CCDC171: variants seen among roughly 807,000 people sequenced by gnomAD.
CCDC171 encodes the protein coiled-coil domain containing 171, also known as coiled-coil domain-containing protein 171.
CCDC171 carries 177 observed loss-of-function variants against 168.2 expected under a neutral mutation model. That is an observed-to-expected ratio of 1.05 (90% CI 0.93 to 1.19). The LOEUF (loss-of-function observed/expected upper bound fraction) is 1.19. CCDC171 is among the 50% of genes most tolerant of loss of function. The pLI is 0.00. For missense variants in CCDC171, 1,991 were observed against 1,539.0 expected, an observed-to-expected ratio of 1.29 and a Z score of -4.91; for synonymous variants, 687 against 540.8, an observed-to-expected ratio of 1.27 and a Z score of -3.75.
intron 18 of CCDC171, among the ~76,000 whole-genome samples, chr9:15,757,609 G>T (rs1159503900): frequency 1.3e-5 from 2 of 152,214 alleles, no homozygotes; most frequent in Non-Finnish European, 2.9e-5. Flanking sequence ...GTAACAATTA[G>T]CTGAATCTCC....
intron 21 of CCDC171, among the ~76,000 whole-genome samples, chr9:15,842,860 A>G (rs1348568615): frequency 6.6e-6 from 1 of 151,906 alleles, no homozygotes; most frequent in Non-Finnish European, 1.5e-5. Context: ...ATGACTTAAA[A>G]TAATTTTTGC....
rs1310330705 is a variant in CCDC171, at chr9:15,623,473, G to GCACACACACACACACACACA, written c.822+61_822+62insACACACACACACACACACAC. 25 of 464,730 alleles carry GCACACACACACACACACACA rather than the reference G, an allele frequency of 5.4e-5. No homozygotes were observed. In the African/African-American group the frequency reaches 6.5e-4, roughly 12 times the overall value. 28.8% of individuals were successfully genotyped at this position (464,730 alleles called of 1,614,324 possible). On this transcript the variant is annotated intron_variant, in intron 7 of 25. Transcript: ENST00000380701. ...TACAAACTTTCACATATGCGCGCGC[G>GCACACACACACACACACACA]CGCACACACACACACACACACACAC...
intron 7 of CCDC171, among the ~76,000 whole-genome samples, chr9:15,627,498 A>G (rs1178653881): frequency 6.6e-6 from 1 of 152,186 alleles, no homozygotes; most frequent in African/African-American, 2.4e-5. Context: ...AATGTGTCCC[A>G]GAGAGTCTGG....
At chr9:15,982,732 T>G (rs990127118) in intron 3 of CCDC171, among the ~76,000 whole-genome samples, 2 of 152,118 alleles carry the variant, frequency 1.3e-5, no homozygotes, top group African/African-American at 4.8e-5. Context: ...CCAGGCATGG[T>G]CACTTTAGGT....
At chr9:15,779,284 C>A in intron 20 of CCDC171, 134 bp downstream of exon 20, 1 of 492,776 alleles carries the variant, frequency 2.0e-6, no homozygotes, top group Non-Finnish European at 3.3e-6. Flanking sequence ...ATCTCTTTTT[C>A]TTCAGAAAAC....
intron 7 of CCDC171, among the ~76,000 whole-genome samples, chr9:15,633,709 A>C (rs1471302962): frequency 6.6e-6 from 1 of 152,202 alleles, no homozygotes; most frequent in Non-Finnish European, 1.5e-5. Flanking sequence ...ATTCTACTAT[A>C]CAGACACATG....
chr9:15,681,352 G>T (rs1343066670), intron 10 of CCDC171, among the ~76,000 whole-genome samples: 1 of 152,068 alleles, frequency 6.6e-6, no homozygotes, highest in East Asian at 1.9e-4. Context: ...AGTTGATGTG[G>T]CTCAGACTGT....
rs1039800636 is a variant in CCDC171, at chr9:16,013,908, G to A, written n.369-6681G>A. On this transcript the variant is annotated intron_variant and non_coding_transcript_variant, in intron 3 of 9. Transcript: ENST00000486641. ...CCTTCAGCTTGTAATCTTTTCACTGGTGGAAGATCTTGTCTTGATGTTGAT... is the reference window on the plus strand; with the variant it reads ...CCTTCAGCTTGTAATCTTTTCACTGATGGAAGATCTTGTCTTGATGTTGAT... 2.7e-4 allele frequency among the ~76,000 whole-genome samples: 41 copies of A among 152,210 alleles called. 1 individual carries two copies. The highest frequency in any genetic ancestry group is 8.9e-4 in the African/African-American group (37 of 41,540).
At chr9:15,979,891 GTGAA>G (rs756283199) in intron 3 of CCDC171, among the ~76,000 whole-genome samples, 12 of 151,314 alleles carry the variant, frequency 7.9e-5, no homozygotes. Flanking sequence ...GAATTTATTA[GTGAA>G]TTCATCTTGG....
At chr9:15,876,678 A>C (rs1435181159) in intron 24 of CCDC171, among the ~76,000 whole-genome samples, 1 of 152,198 alleles carries the variant, frequency 6.6e-6, no homozygotes, top group Non-Finnish European at 1.5e-5. Context: ...TATGATATAG[A>C]TCATAGTTTA....
At chr9:15,602,690 G>A (rs1430930059) in intron 6 of CCDC171, among the ~76,000 whole-genome samples, 2 of 125,048 alleles carry the variant, frequency 1.6e-5, no homozygotes, top group African/African-American at 6.2e-5. Flanking sequence ...GAGTCTCTCT[G>A]TGTTGTCCAG....
intron 10 of CCDC171, among the ~76,000 whole-genome samples, chr9:15,688,443 T>G (rs1009963718): frequency 2.6e-5 from 4 of 152,150 alleles, no homozygotes; most frequent in African/African-American, 9.7e-5. Context: ...CTAGCCTCCC[T>G]TTTGAATGTA....
intron 8 of CCDC171, among the ~76,000 whole-genome samples, chr9:15,662,012 C>G (rs2048356412): frequency 6.6e-6 from 1 of 152,186 alleles, no homozygotes; most frequent in African/African-American, 2.4e-5. Flanking sequence ...TGCAGTGGCT[C>G]ACACCTGTTA....
intron 21 of CCDC171, among the ~76,000 whole-genome samples, chr9:15,808,036 A>T (rs1168843528): frequency 6.6e-6 from 1 of 151,948 alleles, no homozygotes; most frequent in Non-Finnish European, 1.5e-5. Context: ...TGGAAGGGTT[A>T]ATCTGGTTCC....
chr9:15,714,723 C>A (rs73644696), intron 11 of CCDC171, among the ~76,000 whole-genome samples: 3,995 of 152,212 alleles, frequency 0.026, 172 homozygotes, highest in African/African-American at 0.092. Context: ...TCACAGGTCC[C>A]TAGGTCTGTG....
intron 24 of CCDC171, chr9:15,885,516 A>G (rs1384173029): frequency 6.6e-6 from 1 of 152,178 alleles, no homozygotes; most frequent in South Asian, 2.1e-4. Context: ...CATTTTAGCT[A>G]CTTGGACAAA....
chr9:15,885,430 C>A (rs1452351996), intron 24 of CCDC171: 2 of 152,062 alleles, frequency 1.3e-5, no homozygotes, highest in African/African-American at 4.8e-5. Flanking sequence ...ACTATTATAT[C>A]TTTTAATACT....
At position 15,608,944 on chromosome 9, in the gene CCDC171, C is replaced by CAAAAAAAAA. The variant is rs71491669; in HGVS notation, c.676-14303_676-14295dup. Among the ~76,000 whole-genome samples, 8 of 13,718 alleles carry CAAAAAAAAA rather than the reference C, an allele frequency of 5.8e-4. 2 individuals are homozygous for CAAAAAAAAA. The highest frequency in any genetic ancestry group is 2.0e-3 in the African/African-American group (8 of 3,960). 9.0% of individuals were successfully genotyped at this position (13,718 alleles called of 152,430 possible). On this transcript the variant is annotated intron_variant, in intron 6 of 25. Transcript: ENST00000380701. ...CGGGCTACAGAGCAAGACCCTGTCT[C>CAAAAAAAAA]AAAAAAAAAAAAAAAAAAAAAAAAA...
the CCDC171 span, among the ~76,000 whole-genome samples, chr9:16,067,335 T>G: frequency 0.14 from 21,934 of 151,596 alleles, 1,673 homozygotes; most frequent in Admixed American, 0.21. Context: ...TAAATTTGTT[T>G]GAGTTCATTG....
Sources: gnomAD v4.1 joint callset for allele counts (sites outside exome capture counted in the v4.1 genomes callset) on GRCh38, gnomAD v4.1.1 for gene constraint, MANE v1.5 for transcripts, NCBI Gene and HGNC (gene_info 2026-07-23, HGNC 2026-07-21) for gene names.